Variants in KPNA1 observed in about 807,000 individuals in gnomAD.
KPNA1 encodes the protein importin subunit alpha-5.
Under a neutral mutation model 70.5 loss-of-function variants are expected in KPNA1, and 10 were observed. The observed-to-expected ratio is 0.14, with a 90% CI of 0.09 to 0.24. The LOEUF is 0.24. Among genes scored for constraint, KPNA1 ranks in the 10% least tolerant of loss-of-function variants. The pLI is 1.00. For synonymous variants in KPNA1, 192 were observed against 221.9 expected (o/e 0.87, Z 1.20); for missense variants, 397 against 637.9 (o/e 0.62, Z 4.07).
chr3:122,452,108 C>T, intron 6 of KPNA1, 44 bp from the exon 7 acceptor site: 1 of 1,271,634 alleles, frequency 7.9e-7, no homozygotes, highest in Non-Finnish European at 1.1e-6. Flanking sequence ...TAGTTTAATT[C>T]CCTCATAATT....
Position 122,477,494 on chromosome 3 carries a change from GT to G in KPNA1, c.130-10066del, listed in dbSNP as rs536548519. Among the ~76,000 whole-genome samples, 130 of 152,172 alleles carry G rather than the reference GT, an allele frequency of 8.5e-4. No individual in the cohort carries two copies. The Middle Eastern group carries it at 0.014, about 16-fold the overall frequency. ...GACGGAGGATCATTTGAGACCAGGA[GT>G]TCAAGACTCACCTGGGCAACACAGC... is the stretch of plus-strand genomic sequence containing the variant. On this transcript the variant is annotated intron_variant, in intron 2 of 13. Coordinates refer to ENST00000344337, the MANE Select transcript of KPNA1 (RefSeq NM_002264.4).
At chr3:122,455,123 C>G (rs2076250082) in intron 5 of KPNA1, among the ~76,000 whole-genome samples, 1 of 152,118 alleles carries the variant, frequency 6.6e-6, no homozygotes, top group South Asian at 2.1e-4. Context: ...TCTAAGCTTC[C>G]AGATTAACTA....
At chr3:122,443,755 G>A (rs550800606) in intron 9 of KPNA1, among the ~76,000 whole-genome samples, 8 of 152,236 alleles carry the variant, frequency 5.3e-5, no homozygotes, top group African/African-American at 1.9e-4. Flanking sequence ...TACGAATAGG[G>A]TGTGGGTCAC....
intron 12 of KPNA1, among the ~76,000 whole-genome samples, chr3:122,430,560 T>C (rs1237785728): frequency 1.9e-5 from 1 of 52,738 alleles, no homozygotes; most frequent in Non-Finnish European, 4.8e-5. Context: ...TCAAATAAAC[T>C]GTGTGTGTGT....
At chr3:122,488,429 A>C (rs2076655138) in intron 2 of KPNA1, among the ~76,000 whole-genome samples, 1 of 152,164 alleles carries the variant, frequency 6.6e-6, no homozygotes, top group Admixed American at 6.5e-5. Context: ...GGCTGAGGTG[A>C]ATCACTTTGA....
intron 5 of KPNA1, among the ~76,000 whole-genome samples, chr3:122,458,357 TG>T (rs2076286920): frequency 6.6e-6 from 1 of 152,222 alleles, no homozygotes; most frequent in Non-Finnish European, 1.5e-5. Context: ...AGCCATTGTC[TG>T]CTTCCAAAAT....
At chr3:122,441,700 A>G (rs558048267) in intron 10 of KPNA1, among the ~76,000 whole-genome samples, 20 of 152,086 alleles carry the variant, frequency 1.3e-4, no homozygotes, top group African/African-American at 4.8e-4. Flanking sequence ...TCCTGGGTTC[A>G]AGCGATTCTT....
At chr3:122,500,486 TCTTTC>T (rs1420014281) in intron 1 of KPNA1, among the ~76,000 whole-genome samples, 2 of 151,832 alleles carry the variant, frequency 1.3e-5, no homozygotes, top group Non-Finnish European at 2.9e-5. Flanking sequence ...TAATGTCTCC[TCTTTC>T]ATTTCTAATT....
chr3:122,448,608 G>C (rs895413102), intron 9 of KPNA1, among the ~76,000 whole-genome samples: 2 of 152,106 alleles, frequency 1.3e-5, no homozygotes, highest in Non-Finnish European at 2.9e-5. Flanking sequence ...TTGGGGGCAG[G>C]GGGAGGGATA....
intron 1 of KPNA1, among the ~76,000 whole-genome samples, chr3:122,509,204 C>T (rs1393956695): frequency 1.3e-5 from 2 of 151,676 alleles, no homozygotes; most frequent in Non-Finnish European, 2.9e-5. Flanking sequence ...CAAGATCATG[C>T]CACTGCACTC....
intron 2 of KPNA1, chr3:122,483,021 A>AGGAAGAGCCCAGGT (rs2076589101): frequency 6.5e-6 from 1 of 152,892 alleles, no homozygotes; most frequent in African/African-American, 2.4e-5. Flanking sequence ...GGGATAGTGA[A>AGGAAGAGCCCAGGT]GGAAGAGCCC....
intron 2 of KPNA1, among the ~76,000 whole-genome samples, chr3:122,487,992 A>G (rs1011764859): frequency 1.3e-5 from 2 of 152,228 alleles, no homozygotes; most frequent in African/African-American, 2.4e-5. Flanking sequence ...AGAAACAAAC[A>G]TAAGATTTTG....
intron 2 of KPNA1, 50 bp from the exon 3 acceptor site, chr3:122,467,479 G>T (rs780408621): frequency 8.6e-7 from 1 of 1,167,278 alleles, no homozygotes; most frequent in South Asian, 1.3e-5. Context: ...CTAACACAAG[G>T]GAGTTCAACA....
At chr3:122,448,884 A>G (rs911100158) in intron 9 of KPNA1, among the ~76,000 whole-genome samples, 2 of 152,188 alleles carry the variant, frequency 1.3e-5, no homozygotes, top group African/African-American at 4.8e-5. Flanking sequence ...TCACATTAGC[A>G]CTACATTACT....
chr3:122,503,981 A>AT (rs1189937631), intron 1 of KPNA1, among the ~76,000 whole-genome samples: 1 of 152,226 alleles, frequency 6.6e-6, no homozygotes, highest in Non-Finnish European at 1.5e-5. Flanking sequence ...ACACAGAAGA[A>AT]TTCTAGGGCA....
At position 122,496,583 on chromosome 3, in the gene KPNA1, T is replaced by C. The variant is rs748496569; in HGVS notation, c.-5-13A>G. 2 of 1,611,684 alleles carry C rather than the reference T, an allele frequency of 1.2e-6. No individual in the cohort carries two copies. The highest frequency in any genetic ancestry group is 1.7e-6 in the Non-Finnish European group (2 of 1,178,600). ...GTGGTCATGATTTCTACAATACAAG[T>C]GGGGAGAGAACAAATGAGTTTACTG... On this transcript the variant is annotated splice_polypyrimidine_tract_variant and intron_variant, in intron 1 of 13. Transcript: ENST00000344337.
chr3:122,474,497 C>T (rs1188101929), intron 2 of KPNA1, among the ~76,000 whole-genome samples: 2 of 152,056 alleles, frequency 1.3e-5, no homozygotes, highest in Non-Finnish European at 2.9e-5. Context: ...ATCAATGAAA[C>T]AGAATAGAGA....
intron 2 of KPNA1, among the ~76,000 whole-genome samples, chr3:122,483,696 C>T (rs2076597562): frequency 6.6e-6 from 1 of 152,066 alleles, no homozygotes; most frequent in Admixed American, 6.6e-5. Flanking sequence ...TCTAGTAGCT[C>T]TAGAAACATT....
chr3:122,451,770 T>G lies in KPNA1; in HGVS notation c.654-137A>C, dbSNP rs1462353575. The G allele has an allele frequency of 8.5e-6, 6 of 710,028 alleles. No individual in the cohort carries two copies. In the African/African-American group the frequency reaches 1.1e-4, roughly 13 times the overall value. The allele number at this position is 710,028 out of a possible 1,614,324, so 44.0% of individuals were successfully genotyped here. Reference sequence around the variant, plus strand: ...TCCAGAACATTAAAACTTCATTAATTCTGATGCAAGTAATTCAGAATTCAG... The same window carrying G: ...TCCAGAACATTAAAACTTCATTAATGCTGATGCAAGTAATTCAGAATTCAG... On this transcript the variant is annotated intron_variant, in intron 7 of 13. Transcript: ENST00000344337.
Sources: gnomAD v4.1 joint callset for allele counts (sites outside exome capture counted in the v4.1 genomes callset) on GRCh38, gnomAD v4.1.1 for gene constraint, MANE v1.5 for transcripts, NCBI Gene and HGNC (gene_info 2026-07-23, HGNC 2026-07-21) for gene names.